THSD7B: variants seen among roughly 807,000 people sequenced by gnomAD.
The protein encoded by THSD7B is thrombospondin type 1 domain containing 7B, also known as thrombospondin type-1 domain-containing protein 7B.
THSD7B carries 138 observed loss-of-function variants against 213.6 expected under a neutral mutation model. The observed-to-expected ratio is 0.65, with a 90% CI of 0.56 to 0.74. The LOEUF is 0.74. Ranked by LOEUF, THSD7B falls within the 30% of genes least tolerant of loss-of-function variation. The pLI is 0.00. For synonymous variants in THSD7B, 742 were observed against 687.0 expected, an observed-to-expected ratio of 1.08 and a Z score of -1.25; for missense variants, 1,931 against 1,991.5, an observed-to-expected ratio of 0.97 and a Z score of 0.58.
At chr2:136,768,596 T>A (rs1424950843) in intron 1 of THSD7B, among the ~76,000 whole-genome samples, 2 of 152,174 alleles carry the variant, frequency 1.3e-5, no homozygotes, top group African/African-American at 4.8e-5. Flanking sequence ...TAAAGAATTC[T>A]AAGTAGTGAC....
chr2:137,052,557 G>A (rs1687088021), intron 2 of THSD7B, among the ~76,000 whole-genome samples: 1 of 151,592 alleles, frequency 6.6e-6, no homozygotes, highest in African/African-American at 2.4e-5. Flanking sequence ...TATATATTTT[G>A]TAATAAAAGC....
At chr2:136,959,983 C>A (rs553822049) in intron 2 of THSD7B, among the ~76,000 whole-genome samples, 1 of 152,150 alleles carries the variant, frequency 6.6e-6, no homozygotes, top group Non-Finnish European at 1.5e-5. Context: ...AGCTGAATCG[C>A]TAACCATTTG....
At chr2:137,165,582 A>T (rs1680111199) in intron 6 of THSD7B, among the ~76,000 whole-genome samples, 1 of 152,084 alleles carries the variant, frequency 6.6e-6, no homozygotes, top group South Asian at 2.1e-4. Flanking sequence ...AACTAAAGAT[A>T]CTTCAGAATT....
chr2:137,003,005 T>C (rs1421008046), intron 2 of THSD7B, among the ~76,000 whole-genome samples: 1 of 152,182 alleles, frequency 6.6e-6, no homozygotes. Context: ...TAACCCTGCA[T>C]ATACTAACTC....
chr2:136,973,558 G>A (rs1186901166), intron 2 of THSD7B, among the ~76,000 whole-genome samples: 1 of 152,070 alleles, frequency 6.6e-6, no homozygotes, highest in African/African-American at 2.4e-5. Context: ...GGACTTCTGA[G>A]TCTTTAATAT....
intron 2 of THSD7B, among the ~76,000 whole-genome samples, chr2:136,944,899 A>G (rs1684906850): frequency 1.3e-5 from 2 of 152,066 alleles, no homozygotes; most frequent in Admixed American, 1.3e-4. Flanking sequence ...TTTAAGGTTA[A>G]TATTGTTATG....
chr2:137,505,687 A>G (rs962550937), intron 15 of THSD7B, among the ~76,000 whole-genome samples: 1 of 152,218 alleles, frequency 6.6e-6, no homozygotes, highest in Non-Finnish European at 1.5e-5. Context: ...AGAGGTATAT[A>G]TAGCAAGGCC....
At chr2:137,040,197 G>C (rs1298242726) in intron 2 of THSD7B, among the ~76,000 whole-genome samples, 1 of 152,144 alleles carries the variant, frequency 6.6e-6, no homozygotes, top group Non-Finnish European at 1.5e-5. Flanking sequence ...TTTGATGAGA[G>C]CTACAAGGGC....
Position 137,389,187 on chromosome 2 carries a change from A to G in THSD7B, c.2501-16426A>G, listed in dbSNP as rs938638151. 1.4e-4 allele frequency among the ~76,000 whole-genome samples: 8 copies of G among 59,006 alleles called. No individual in the cohort carries two copies. In the Admixed American group the frequency reaches 2.1e-3, roughly 15 times the overall value. 38.7% of individuals were successfully genotyped at this position (59,006 alleles called of 152,430 possible). ...TGCACCATCACCAGTCTCACCATATATCTGTCATATATATATATATATATA... is the reference window on the plus strand; with the variant it reads ...TGCACCATCACCAGTCTCACCATATGTCTGTCATATATATATATATATATA... On this transcript the variant is annotated intron_variant, in intron 12 of 27. Coordinates refer to ENST00000409968, the MANE Select transcript of THSD7B (RefSeq NM_001316349.2).
intron 2 of THSD7B, among the ~76,000 whole-genome samples, chr2:137,054,281 A>G (rs945355785): frequency 5.3e-5 from 8 of 152,238 alleles, no homozygotes; most frequent in Admixed American, 2.0e-4. Flanking sequence ...GACCTGCTCC[A>G]GTGAAACCTG....
chr2:137,650,446 T>C (rs1443873171), intron 21 of THSD7B, among the ~76,000 whole-genome samples: 1 of 152,238 alleles, frequency 6.6e-6, no homozygotes, highest in African/African-American at 2.4e-5. Flanking sequence ...CTTGCAACTT[T>C]ACTTAATTCT....
At chr2:137,440,414 T>A (rs1028767506) in intron 14 of THSD7B, among the ~76,000 whole-genome samples, 26 of 152,052 alleles carry the variant, frequency 1.7e-4, no homozygotes, top group African/African-American at 6.0e-4. Flanking sequence ...GAGAGGTAGA[T>A]CTCTGTCTCA....
At chr2:137,010,162 C>T (rs1415299786) in intron 2 of THSD7B, among the ~76,000 whole-genome samples, 2 of 152,098 alleles carry the variant, frequency 1.3e-5, no homozygotes, top group Admixed American at 6.6e-5. Context: ...GATTTGAGGA[C>T]ATGTGTTTTC....
intron 12 of THSD7B, among the ~76,000 whole-genome samples, chr2:137,387,405 A>G (rs1685921442): frequency 6.6e-6 from 1 of 152,218 alleles, no homozygotes; most frequent in African/African-American, 2.4e-5. Context: ...ATACCCAATA[A>G]TGAGATCCTT....
intron 1 of THSD7B, among the ~76,000 whole-genome samples, chr2:136,851,552 T>C (rs187667497): frequency 3.8e-3 from 577 of 152,272 alleles, no homozygotes; most frequent in South Asian, 4.8e-3. Flanking sequence ...AAACTATTTT[T>C]TATTATTGTT....
chr2:137,470,485 G>C (rs113265905), intron 15 of THSD7B, among the ~76,000 whole-genome samples: 4,631 of 152,248 alleles, frequency 0.03, 253 homozygotes, highest in African/African-American at 0.11. Flanking sequence ...TGTTGAAATA[G>C]CATGTTCAAA....
chr2:137,269,891 T>G (rs1479942930), intron 10 of THSD7B, among the ~76,000 whole-genome samples: 1 of 152,158 alleles, frequency 6.6e-6, no homozygotes, highest in Non-Finnish European at 1.5e-5. Flanking sequence ...TCCTTTGACT[T>G]TATTGGCATG....
At chr2:136,963,936 A>G (rs533282252) in intron 2 of THSD7B, among the ~76,000 whole-genome samples, 1 of 152,316 alleles carries the variant, frequency 6.6e-6, no homozygotes, top group East Asian at 1.9e-4. Flanking sequence ...TTACAACTAT[A>G]TGTGACAGTG....
intron 5 of THSD7B, chr2:137,156,143 G>A (rs1225373199): frequency 1.3e-5 from 2 of 152,156 alleles, no homozygotes; most frequent in South Asian, 2.1e-4. Context: ...AATATCCTGT[G>A]TTTTTACTCT....
Sources: gnomAD v4.1 joint callset for allele counts (sites outside exome capture counted in the v4.1 genomes callset) on GRCh38, gnomAD v4.1.1 for gene constraint, MANE v1.5 for transcripts, NCBI Gene and HGNC (gene_info 2026-07-23, HGNC 2026-07-21) for gene names.